Variants in TSPAN15 observed in about 807,000 individuals in gnomAD.
TSPAN15 encodes tetraspanin-15.
TSPAN15 carries 20 observed loss-of-function variants against 34.5 expected under a neutral mutation model. The ratio of observed to expected loss-of-function variants is 0.58; its 90% CI spans 0.41 to 0.84. The LOEUF (loss-of-function observed/expected upper bound fraction) is 0.84. Among genes scored for constraint, TSPAN15 ranks in the 40% least tolerant of loss-of-function variants. TSPAN15 has a pLI of 0.00. For missense variants in TSPAN15, 313 were observed against 386.1 expected (o/e 0.81, Z 1.59); for synonymous variants, 155 against 153.9 (o/e 1.01, Z -0.05).
chr10:69,501,724 C>T (rs748662274), intron 5 of TSPAN15, among the ~76,000 whole-genome samples: 1 of 152,184 alleles, frequency 6.6e-6, no homozygotes, highest in Non-Finnish European at 1.5e-5. Flanking sequence ...TACCTCCAGG[C>T]CATGAACCAG....
intron 1 of TSPAN15, among the ~76,000 whole-genome samples, chr10:69,457,251 A>G (rs926573680): frequency 1.3e-5 from 2 of 152,178 alleles, no homozygotes; most frequent in East Asian, 3.9e-4. Context: ...TGCACACAGT[A>G]GGTGCTCAGG....
chr10:69,542,344 C>T, the TSPAN15 span, among the ~76,000 whole-genome samples: 1 of 152,228 alleles, frequency 6.6e-6, no homozygotes, highest in African/African-American at 2.4e-5. Flanking sequence ...AACTTTCCCA[C>T]ATTTCTCTGT....
intron 1 of TSPAN15, among the ~76,000 whole-genome samples, chr10:69,455,576 T>TC (rs1329656438): frequency 1.6e-5 from 2 of 122,590 alleles, no homozygotes; most frequent in Non-Finnish European, 3.4e-5. Context: ...TCTTTCTCTT[T>TC]TCTTTCTTTC....
the TSPAN15 span, chr10:69,523,450 G>A: frequency 1.8e-6 from 1 of 550,290 alleles, no homozygotes; most frequent in Non-Finnish European, 3.4e-6. Flanking sequence ...CAGTAACCTG[G>A]CCCAAAGGGG....
the TSPAN15 span, chr10:69,523,632 C>T: frequency 4.4e-6 from 1 of 225,952 alleles, no homozygotes; most frequent in Admixed American, 5.9e-5. Flanking sequence ...CGGTGGAAAG[C>T]TGCCCCTGGC....
At chr10:69,482,696 C>T (rs1841759918) in intron 1 of TSPAN15, among the ~76,000 whole-genome samples, 1 of 145,524 alleles carries the variant, frequency 6.9e-6, no homozygotes, top group Non-Finnish European at 1.5e-5. Context: ...GATGAGAACA[C>T]AGACTCACAT....
chr10:69,484,705 C>G (rs534057726), intron 2 of TSPAN15, among the ~76,000 whole-genome samples: 1 of 152,124 alleles, frequency 6.6e-6, no homozygotes, highest in Admixed American at 6.5e-5. Context: ...TCAGCCATCC[C>G]CCTCACCCAC....
At chr10:69,525,190 T>A in the TSPAN15 span, among the ~76,000 whole-genome samples, 1 of 147,730 alleles carries the variant, frequency 6.8e-6, no homozygotes, top group Non-Finnish European at 1.5e-5. Flanking sequence ...AGTGCTGGGA[T>A]TACAGGCATG....
At chr10:69,535,878 G>A in the TSPAN15 span, among the ~76,000 whole-genome samples, 23 of 152,242 alleles carry the variant, frequency 1.5e-4, no homozygotes, top group Non-Finnish European at 2.8e-4. Flanking sequence ...TCAAGGAAGA[G>A]CTGCAGAGAT....
At chr10:69,514,981 G>C in the TSPAN15 span, among the ~76,000 whole-genome samples, 6 of 151,956 alleles carry the variant, frequency 3.9e-5, no homozygotes, top group Non-Finnish European at 1.5e-5. Context: ...TCCCTAATTA[G>C]ACTCTTGTCC....
the TSPAN15 span, among the ~76,000 whole-genome samples, chr10:69,543,820 G>C: frequency 1.3e-5 from 2 of 150,854 alleles, no homozygotes; most frequent in Non-Finnish European, 3.0e-5. Context: ...GAGGAGAAGA[G>C]GGGGAGAGGG....
At chr10:69,476,913 G>T (rs746535330) in intron 1 of TSPAN15, among the ~76,000 whole-genome samples, 10 of 152,066 alleles carry the variant, frequency 6.6e-5, no homozygotes, top group Non-Finnish European at 1.0e-4. Flanking sequence ...TGGGGCCGGT[G>T]CTCCCTAGGG....
intron 2 of TSPAN15, among the ~76,000 whole-genome samples, chr10:69,484,280 C>T (rs796194870): frequency 3.3e-5 from 5 of 152,302 alleles, no homozygotes; most frequent in African/African-American, 1.2e-4. Flanking sequence ...CCCTGCCAGC[C>T]GGGGCTGCTC....
intron 1 of TSPAN15, among the ~76,000 whole-genome samples, chr10:69,458,183 A>T (rs1307631846): frequency 1.3e-5 from 2 of 152,224 alleles, no homozygotes; most frequent in African/African-American, 4.8e-5. Flanking sequence ...GAAAGAGGCC[A>T]CGTCCCTGGC....
chr10:69,471,887 C>G (rs771821993), intron 1 of TSPAN15, among the ~76,000 whole-genome samples: 7 of 152,142 alleles, frequency 4.6e-5, no homozygotes, highest in Admixed American at 3.9e-4. Flanking sequence ...ACCACTGCTC[C>G]CAGCTATCTC....
chr10:69,494,564 T>G, intron 3 of TSPAN15: 1 of 906,262 alleles, frequency 1.1e-6, no homozygotes, highest in Non-Finnish European at 1.3e-6. Context: ...GAGACTTGGT[T>G]TTTGATTCTC....
At chr10:69,467,637 AACACACACACACACACAC>A (rs36028041) in intron 1 of TSPAN15, among the ~76,000 whole-genome samples, 2 of 78,102 alleles carry the variant, frequency 2.6e-5, no homozygotes, top group Non-Finnish European at 3.6e-5. Flanking sequence ...AAAACAAAAC[AACACACACACACACACAC>A]ACACACACAC....
At chr10:69,513,432 C>T in the TSPAN15 span, among the ~76,000 whole-genome samples, 1 of 152,176 alleles carries the variant, frequency 6.6e-6, no homozygotes, top group African/African-American at 2.4e-5. Flanking sequence ...TGCCCTTGAA[C>T]TCCTGGGCTC....
chr10:69,459,219 C>G (rs1336533539), intron 1 of TSPAN15, among the ~76,000 whole-genome samples: 2 of 151,664 alleles, frequency 1.3e-5, no homozygotes, highest in East Asian at 3.9e-4. Flanking sequence ...CAGTCTTAAC[C>G]AGCCGTGCTC....
Sources: gnomAD v4.1 joint callset for allele counts (sites outside exome capture counted in the v4.1 genomes callset) on GRCh38, gnomAD v4.1.1 for gene constraint, MANE v1.5 for transcripts, NCBI Gene and HGNC (gene_info 2026-07-23, HGNC 2026-07-21) for gene names.